The following MTCL1 variants were observed in gnomAD, a reference collection of about 807,000 sequenced individuals.
MTCL1 encodes the protein microtubule cross-linking factor 1.
Under a neutral mutation model 141.4 loss-of-function variants are expected in MTCL1, and 79 were observed. The ratio of observed to expected loss-of-function variants is 0.56; its 90% CI spans 0.47 to 0.67. The LOEUF is 0.67. MTCL1 is among the 30% of genes least tolerant of loss of function. MTCL1 has a pLI of 0.00. For synonymous variants in MTCL1, 914 were observed against 875.8 expected, an observed-to-expected ratio of 1.04 and a Z score of -0.77; for missense variants, 2,177 against 2,113.9, an observed-to-expected ratio of 1.03 and a Z score of -0.59.
chr18:8,786,111 C>CCA lies in MTCL1; in HGVS notation c.1887+21_1887+22insAC. The stretch of plus-strand genomic sequence containing the variant: ...CTGGAGGTCAGCGTGGGCAAGCAAT[C>CCA]CCCCCCCCCCGCCCTCCCCCTCCTT... On this transcript the variant is annotated intron_variant, in intron 7 of 16. Coordinates refer to ENST00000359865, the Ensembl canonical transcript of MTCL1. 9 of 1,128,896 alleles carry CCA rather than the reference C, an allele frequency of 8.0e-6. No homozygotes were observed. Among genetic ancestry groups the CCA allele is most frequent in the South Asian group, 5.8e-5 (4 of 68,984 alleles). 69.9% of individuals were successfully genotyped at this position (1,128,896 alleles called of 1,614,324 possible). A position where few individuals can be genotyped will look rare whatever the true frequency, so the allele number is the denominator to read the frequency against.
At chr18:8,809,651 C>A (rs1568080355) in intron 11 of MTCL1, 6 of 1,508,574 alleles carry the variant, frequency 4.0e-6, no homozygotes, top group Non-Finnish European at 5.3e-6. Context: ...TAGAGAGTGG[C>A]CGGGCCTGGT....
intron 4 of MTCL1, among the ~76,000 whole-genome samples, chr18:8,756,371 GTATATATGTA>G (rs1253423510): frequency 1.4e-5 from 2 of 143,540 alleles, no homozygotes; most frequent in Admixed American, 6.8e-5. Flanking sequence ...GTATATATGT[GTATATATGTA>G]TATATGTGTA....
chr18:8,791,558 A>G lies in MTCL1; in HGVS notation c.1888-1440A>G, dbSNP rs116433719. On this transcript the variant is annotated intron_variant, in intron 7 of 16. Coordinates refer to ENST00000359865, the Ensembl canonical transcript of MTCL1. Reference sequence around the variant, plus strand: ...TCAACCCTAAGACTGCAGGTAATAGAATTATCAGATGGACGCTATCAGATA... The same window carrying G: ...TCAACCCTAAGACTGCAGGTAATAGGATTATCAGATGGACGCTATCAGATA... Among the ~76,000 whole-genome samples, 455 of 151,966 alleles carry G rather than the reference A, an allele frequency of 3.0e-3. 1 individual carries two copies. Among genetic ancestry groups the G allele is most frequent in the African/African-American group, 0.011 (443 of 41,428 alleles).
At chr18:8,785,019 T>TG (rs1383689406) in intron 6 of MTCL1, among the ~76,000 whole-genome samples, 176 bp downstream of exon 5, 1 of 148,352 alleles carries the variant, frequency 6.7e-6, no homozygotes, top group African/African-American at 2.6e-5. Flanking sequence ...TCCGTTTTTT[T>TG]TGTTTTTTTT....
chr18:8,796,416 G>T (rs772364392), exon 9 of MTCL1: 46 of 1,614,046 alleles, frequency 2.8e-5, no homozygotes, highest in Non-Finnish European at 3.8e-5. Flanking sequence ...CTGAAACACT[G>T]GCGGCAAGGG....
Position 8,810,447 on chromosome 18 carries a change from G to T in MTCL1, c.2605-2532G>T, listed in dbSNP as rs1279796960. Among the ~76,000 whole-genome samples, 1 of 152,204 alleles carries T rather than the reference G, an allele frequency of 6.6e-6. No homozygotes were observed. Among genetic ancestry groups the T allele is most frequent in the Non-Finnish European group, 1.5e-5 (1 of 68,036 alleles). On this transcript the variant is annotated intron_variant, in intron 11 of 16. Transcript: ENST00000359865. The surrounding 1 kb of genome is among the most constrained non-coding windows in gnomAD (Gnocchi z 5.0). Reference sequence around the variant, plus strand: ...GAGAGACCTGAGAGGTGTGGACACAGAGGAGCTTGTGGGCAGAAGGAGTGT... The same window carrying T: ...GAGAGACCTGAGAGGTGTGGACACATAGGAGCTTGTGGGCAGAAGGAGTGT...
intron 4 of MTCL1, among the ~76,000 whole-genome samples, chr18:8,726,045 C>A (rs1280411086): frequency 6.6e-6 from 1 of 151,840 alleles, no homozygotes; most frequent in Non-Finnish European, 1.5e-5. Flanking sequence ...CCCGCCTCGG[C>A]CTCCCAAAGT....
At chr18:8,790,494 AAACAGTCCT>A (rs1004800747) in intron 7 of MTCL1, among the ~76,000 whole-genome samples, 2 of 152,224 alleles carry the variant, frequency 1.3e-5, no homozygotes, top group African/African-American at 4.8e-5. Context: ...GGTGACCTGG[AAACAGTCCT>A]GCACGGAACA....
chr18:8,794,086 G>GT (rs1474254760), intron 8 of MTCL1, among the ~76,000 whole-genome samples: 1 of 152,174 alleles, frequency 6.6e-6, no homozygotes, highest in African/African-American at 2.4e-5. Context: ...CTTTTTAAGT[G>GT]TTTCATTTAG....
intron 10 of MTCL1, among the ~76,000 whole-genome samples, chr18:8,799,129 G>A (rs953632592): frequency 6.6e-5 from 10 of 152,204 alleles, no homozygotes; most frequent in African/African-American, 1.4e-4. Context: ...TCATATGGGC[G>A]CGGCTCTAGC....
At chr18:8,777,150 G>A (rs890127180) in intron 4 of MTCL1, among the ~76,000 whole-genome samples, 8 of 152,140 alleles carry the variant, frequency 5.3e-5, no homozygotes, top group Admixed American at 2.0e-4. Context: ...GCAAGAGAAT[G>A]GCATGAACCC....
At chr18:8,725,084 AATT>A (rs1380783833) in intron 4 of MTCL1, among the ~76,000 whole-genome samples, 17 of 151,954 alleles carry the variant, frequency 1.1e-4, no homozygotes, top group African/African-American at 4.1e-4. Flanking sequence ...AGATAGCCCT[AATT>A]CTTTCACTGA....
At chr18:8,790,568 T>C (rs1176941043) in intron 7 of MTCL1, among the ~76,000 whole-genome samples, 1 of 152,236 alleles carries the variant, frequency 6.6e-6, no homozygotes, top group East Asian at 1.9e-4. Context: ...TTTACTGCTG[T>C]ATCCCCCACG....
rs2076443686 is a variant in MTCL1, at chr18:8,810,380, G to C, written c.2605-2599G>C. On this transcript the variant is annotated intron_variant, in intron 11 of 16. Coordinates refer to ENST00000359865, the Ensembl canonical transcript of MTCL1. This position sits in a 1 kb window ranked among gnomAD's most constrained non-coding sequence, Gnocchi z 5.0. ...CACGAGGTTCCTCAGTAGGCAGGGG[G>C]ATTGGGCTCTAAGCATTGAGGGGAG... 6.6e-6 allele frequency among the ~76,000 whole-genome samples: 1 copy of C among 152,168 alleles called. No individual in the cohort carries two copies. The highest frequency in any genetic ancestry group is 1.5e-5 in the Non-Finnish European group (1 of 68,028).
chr18:8,715,389 C>T (rs1197612903), upstream of MTCL1, among the ~76,000 whole-genome samples: 1 of 152,188 alleles, frequency 6.6e-6, no homozygotes, highest in East Asian at 1.9e-4. Context: ...TAATCCCAGG[C>T]ATTAATGACT....
At chr18:8,716,402 C>G (rs1280202939), upstream of MTCL1, among the ~76,000 whole-genome samples, 1 of 152,098 alleles carries the variant, frequency 6.6e-6, no homozygotes, top group Admixed American at 6.5e-5. Flanking sequence ...TATCTGTGCC[C>G]TTTCCAGTAG....
rs772439747 is a variant in MTCL1 at position 8,822,704 on chromosome 18, C to T, written c.3188+1206C>T. ...GTATTTTGATTATCTTTTTTTTTTG[C>T]AGCTTATGTATGTTAATACACATAA... On this transcript the variant is annotated intron_variant, in intron 14 of 16. Coordinates refer to ENST00000359865, the Ensembl canonical transcript of MTCL1. The surrounding 1 kb of genome is among the most constrained non-coding windows in gnomAD (Gnocchi z 4.6). Among the ~76,000 whole-genome samples the T allele has an allele frequency of 2.0e-5, 3 of 151,028 alleles. No individual in the cohort carries two copies. Among genetic ancestry groups the T allele is most frequent in the Admixed American group, 6.6e-5 (1 of 15,228 alleles).
intron 4 of MTCL1, among the ~76,000 whole-genome samples, chr18:8,749,514 T>A (rs1044600639): frequency 6.6e-6 from 1 of 152,162 alleles, no homozygotes; most frequent in Non-Finnish European, 1.5e-5. Flanking sequence ...TGGGCAGTTA[T>A]ATCTTTGGAA....
At chr18:8,814,972 A>G (rs2076603486) in intron 12 of MTCL1, among the ~76,000 whole-genome samples, 1 of 152,214 alleles carries the variant, frequency 6.6e-6, no homozygotes, top group East Asian at 1.9e-4. Context: ...ACAGGAAACA[A>G]CAGGTGCTGG....
Sources: gnomAD v4.1 joint callset for allele counts (sites outside exome capture counted in the v4.1 genomes callset) on GRCh38, gnomAD v4.1.1 for gene constraint, Gnocchi (gnomAD v3.1) non-coding constraint, MANE v1.5 for transcripts, NCBI Gene and HGNC (gene_info 2026-07-23, HGNC 2026-07-21) for gene names.